Variants in BABAM2 observed in about 807,000 individuals in gnomAD.
The protein encoded by BABAM2 is BRISC and BRCA1 A complex member 2, also known as BRISC and BRCA1-A complex member 2.
A neutral mutation model predicts 54.7 loss-of-function variants in BABAM2; 31 were observed. That is an observed-to-expected ratio of 0.57 (90% CI 0.43 to 0.77). BABAM2 has a LOEUF of 0.77. Ranked by LOEUF, BABAM2 falls within the 30% of genes least tolerant of loss-of-function variation. The pLI is 0.00. For missense variants in BABAM2, 364 were observed against 455.8 expected (o/e 0.80, Z 1.83); for synonymous variants, 167 against 162.9 (o/e 1.03, Z -0.19).
chr2:27,996,339 T>C (rs1289835221), intron 4 of BABAM2: 1 of 154,932 alleles, frequency 6.5e-6, no homozygotes, highest in Non-Finnish European at 1.5e-5. Flanking sequence ...TAAGAGTCTG[T>C]TTACTTCTGG....
intron 10 of BABAM2, among the ~76,000 whole-genome samples, chr2:28,264,545 A>G (rs1344865897): frequency 2.0e-5 from 3 of 152,226 alleles, no homozygotes; most frequent in Admixed American, 6.5e-5. Flanking sequence ...TCCAAATGGC[A>G]TAGTCTTTGT....
At chr2:28,154,540 T>C (rs1189873475) in intron 7 of BABAM2, among the ~76,000 whole-genome samples, 2 of 152,220 alleles carry the variant, frequency 1.3e-5, no homozygotes, top group Non-Finnish European at 1.5e-5. Context: ...GGTGTTAGGC[T>C]GGAAAGCATT....
intron 7 of BABAM2, among the ~76,000 whole-genome samples, chr2:28,201,051 A>G (rs759138831): frequency 6.6e-6 from 1 of 152,212 alleles, no homozygotes; most frequent in Non-Finnish European, 1.5e-5. Context: ...GTTTACAGGC[A>G]TGAGCCACCA....
intron 6 of BABAM2, among the ~76,000 whole-genome samples, chr2:28,048,812 A>T (rs759799519): frequency 3.3e-5 from 5 of 152,314 alleles, no homozygotes; most frequent in Non-Finnish European, 5.9e-5. Context: ...CCAAAGAAAG[A>T]TGGTTTTATA....
chr2:28,282,182 C>T (rs1686416696), intron 10 of BABAM2, among the ~76,000 whole-genome samples: 1 of 152,036 alleles, frequency 6.6e-6, no homozygotes, highest in Admixed American at 6.6e-5. Context: ...ATTAAAACCC[C>T]GTAGATATAA....
At chr2:28,184,259 C>CCCCCCT (rs1558415575) in intron 7 of BABAM2, among the ~76,000 whole-genome samples, 6 of 37,660 alleles carry the variant, frequency 1.6e-4, no homozygotes, top group South Asian at 1.8e-3. Flanking sequence ...TCCCTCCCTC[C>CCCCCCT]CTCCCTCTCT....
intron 7 of BABAM2, among the ~76,000 whole-genome samples, chr2:28,173,203 C>T (rs1377479810): frequency 6.6e-6 from 1 of 152,208 alleles, no homozygotes; most frequent in Admixed American, 6.5e-5. Context: ...CATAACACCT[C>T]CCTTGAGTTA....
chr2:28,125,144 T>C (rs181686724), intron 6 of BABAM2, among the ~76,000 whole-genome samples: 203 of 152,282 alleles, frequency 1.3e-3, no homozygotes, highest in African/African-American at 4.7e-3. Context: ...TGAATCTAAA[T>C]GGAGATACCA....
chr2:28,285,452 A>G (rs753747583), intron 10 of BABAM2, among the ~76,000 whole-genome samples: 21 of 152,238 alleles, frequency 1.4e-4, no homozygotes, highest in Non-Finnish European at 1.6e-4. Flanking sequence ...CCTGCACGGT[A>G]TAAGTCCAGC....
intron 2 of BABAM2, among the ~76,000 whole-genome samples, chr2:27,922,232 A>G (rs994758715): frequency 5.3e-5 from 8 of 152,230 alleles, no homozygotes; most frequent in Non-Finnish European, 7.3e-5. Context: ...TCAGTGCTGG[A>G]TACTTAGCAC....
chr2:27,949,449 G>T (rs775175325), intron 3 of BABAM2, among the ~76,000 whole-genome samples: 1 of 151,722 alleles, frequency 6.6e-6, no homozygotes, highest in Non-Finnish European at 1.5e-5. Flanking sequence ...CAGGAGAATC[G>T]CTTGAACCCG....
intron 4 of BABAM2, among the ~76,000 whole-genome samples, chr2:28,022,555 T>G (rs1206936634): frequency 6.6e-6 from 1 of 152,230 alleles, no homozygotes; most frequent in Non-Finnish European, 1.5e-5. Flanking sequence ...GTTTTATCAC[T>G]TTCTCTGAAT....
At chr2:28,182,221 T>C (rs1437880365) in intron 7 of BABAM2, among the ~76,000 whole-genome samples, 1 of 152,204 alleles carries the variant, frequency 6.6e-6, no homozygotes, top group African/African-American at 2.4e-5. Flanking sequence ...CAGGAATCTC[T>C]CTATTTGGGG....
intron 6 of BABAM2, among the ~76,000 whole-genome samples, chr2:28,070,183 A>G (rs143017464): frequency 6.6e-6 from 1 of 152,372 alleles, no homozygotes; most frequent in Admixed American, 6.5e-5. Flanking sequence ...AAACCTAACT[A>G]TAATCAAATT....
At chr2:28,314,282 T>C (rs1689328890) in intron 11 of BABAM2, among the ~76,000 whole-genome samples, 1 of 152,232 alleles carries the variant, frequency 6.6e-6, no homozygotes. Context: ...TTACGGGTTA[T>C]GAAATTGAGA....
At chr2:28,213,801 G>A (rs1455282209) in intron 7 of BABAM2, among the ~76,000 whole-genome samples, 7 of 151,756 alleles carry the variant, frequency 4.6e-5, no homozygotes, top group Non-Finnish European at 1.5e-5. Flanking sequence ...CTCATGCTTG[G>A]TTCTATCATT....
chr2:27,904,504 C>T (rs779106851), intron 2 of BABAM2, among the ~76,000 whole-genome samples: 1 of 152,112 alleles, frequency 6.6e-6, no homozygotes, highest in African/African-American at 2.4e-5. Context: ...GAAGCTCAGT[C>T]GTTGACAACA....
intron 8 of BABAM2, among the ~76,000 whole-genome samples, chr2:28,239,378 TG>T (rs971600490): frequency 6.6e-6 from 1 of 152,198 alleles, no homozygotes; most frequent in African/African-American, 2.4e-5. Context: ...TAAACAATTT[TG>T]GGGGTCTCTC....
At chr2:28,007,389 A>G in intron 4 of BABAM2, among the ~76,000 whole-genome samples, 1 of 152,150 alleles carries the variant, frequency 6.6e-6, no homozygotes. Flanking sequence ...TACCAGTACT[A>G]AGGAAGCTGC....
Sources: gnomAD v4.1 joint callset for allele counts (sites outside exome capture counted in the v4.1 genomes callset) on GRCh38, gnomAD v4.1.1 for gene constraint, MANE v1.5 for transcripts, NCBI Gene and HGNC (gene_info 2026-07-23, HGNC 2026-07-21) for gene names.